CDK19: variants seen among roughly 807,000 people sequenced by gnomAD.
CDK19 encodes the protein cyclin-dependent kinase 19.
CDK19 carries 20 observed loss-of-function variants against 68.3 expected under a neutral mutation model. That is an observed-to-expected ratio of 0.29 (90% confidence interval 0.21 to 0.43). CDK19 has a LOEUF of 0.43. Ranked by LOEUF, CDK19 falls within the 20% of genes least tolerant of loss-of-function variation. CDK19 has a pLI of 1.00. For synonymous variants in CDK19, 221 were observed against 222.8 expected (o/e 0.99, Z 0.07); for missense variants, 339 against 623.5 (o/e 0.54, Z 4.86).
chr6:110,623,654 T>C (rs1379925262), intron 8 of CDK19, among the ~76,000 whole-genome samples: 1 of 151,598 alleles, frequency 6.6e-6, no homozygotes, highest in East Asian at 1.9e-4. Context: ...TCTAGGCACA[T>C]ACCTGAGTCA....
At chr6:110,622,200 A>G (rs1386746683) in intron 10 of CDK19, 34 bp from the exon 11 acceptor site, 1 of 1,372,368 alleles carries the variant, frequency 7.3e-7, no homozygotes, top group Non-Finnish European at 1.0e-6. Flanking sequence ...ACATATCATG[A>G]TCTAAAATCT....
chr6:110,778,469 C>G (rs1461878413), intron 1 of CDK19, among the ~76,000 whole-genome samples: 1 of 152,168 alleles, frequency 6.6e-6, no homozygotes, highest in Non-Finnish European at 1.5e-5. Context: ...ATCAAAATAA[C>G]CACTGGAGTC....
intron 1 of CDK19, among the ~76,000 whole-genome samples, chr6:110,750,661 C>T (rs76640832): frequency 4.3e-4 from 66 of 152,148 alleles, no homozygotes; most frequent in South Asian, 1.0e-3. Flanking sequence ...AAGGAGATGT[C>T]CTGAAGATAT....
At chr6:110,774,074 G>A (rs1364749224) in intron 1 of CDK19, 1 of 151,974 alleles carries the variant, frequency 6.6e-6, no homozygotes, top group Non-Finnish European at 1.5e-5. Context: ...TTGACAATGA[G>A]CATATCAACA....
chr6:110,770,092 TAGG>T (rs1779902062), intron 1 of CDK19, among the ~76,000 whole-genome samples: 1 of 152,142 alleles, frequency 6.6e-6, no homozygotes, highest in Non-Finnish European at 1.5e-5. Flanking sequence ...CTTCTCTGAA[TAGG>T]AGGAAGTGAA....
chr6:110,724,165 C>T (rs1324714426), intron 2 of CDK19, among the ~76,000 whole-genome samples: 1 of 151,962 alleles, frequency 6.6e-6, no homozygotes, highest in East Asian at 1.9e-4. Flanking sequence ...ACCAGCCTGA[C>T]CAACACAGAG....
intron 1 of CDK19, among the ~76,000 whole-genome samples, chr6:110,748,275 C>T (rs1236272811): frequency 6.6e-6 from 1 of 152,074 alleles, no homozygotes; most frequent in Non-Finnish European, 1.5e-5. Flanking sequence ...ATTAACACAT[C>T]AAATTAATGG....
chr6:110,777,392 A>G (rs2115017506), intron 1 of CDK19, among the ~76,000 whole-genome samples: 1 of 152,334 alleles, frequency 6.6e-6, no homozygotes, highest in South Asian at 2.1e-4. Flanking sequence ...AACATTTTGT[A>G]AACTTTAAAA....
chr6:110,801,817 T>A (rs1377719489), intron 1 of CDK19, among the ~76,000 whole-genome samples: 1 of 152,150 alleles, frequency 6.6e-6, no homozygotes, highest in African/African-American at 2.4e-5. Context: ...AACCTTAAAG[T>A]TATTTTAAAT....
chr6:110,796,810 C>A (rs1243212968), intron 1 of CDK19, among the ~76,000 whole-genome samples: 1 of 150,726 alleles, frequency 6.6e-6, no homozygotes, highest in Non-Finnish European at 1.5e-5. Flanking sequence ...AAGTTCGAGA[C>A]CAGCCTGGCC....
chr6:110,650,535 G>A (rs1780895755), intron 4 of CDK19, among the ~76,000 whole-genome samples: 1 of 152,202 alleles, frequency 6.6e-6, no homozygotes, highest in South Asian at 2.1e-4. Flanking sequence ...CATGGGGACA[G>A]GCATTGTTGG....
intron 1 of CDK19, among the ~76,000 whole-genome samples, chr6:110,776,205 G>T (rs893289456): frequency 6.6e-6 from 1 of 152,042 alleles, no homozygotes; most frequent in Non-Finnish European, 1.5e-5. Flanking sequence ...GAGGCAGGTG[G>T]ATCACCTGAG....
chr6:110,630,887 T>C (rs563115498), intron 6 of CDK19, among the ~76,000 whole-genome samples: 1 of 152,366 alleles, frequency 6.6e-6, no homozygotes, highest in South Asian at 2.1e-4. Context: ...TCTAAATGTG[T>C]TCTGGTGTCT....
intron 5 of CDK19, among the ~76,000 whole-genome samples, chr6:110,637,561 T>C (rs1057155404): frequency 6.6e-6 from 1 of 152,228 alleles, no homozygotes; most frequent in Non-Finnish European, 1.5e-5. Context: ...GTGGGTCAAG[T>C]GAGCACAATT....
In CDK19 at chr6:110,626,776, G is replaced by T; in HGVS notation, c.860C>A (p.Thr287Lys). ...PTLQKDFRRTTYANSSLIKYM... is the reference protein window; with the variant it reads ...PTLQKDFRRTKYANSSLIKYM... Reference sequence around the variant, plus strand: ...ACTAAGACTGTGTGGAATTACTTACGTTGTTCTTCTAAAGTCTTTTTGAAG... The same window carrying T: ...ACTAAGACTGTGTGGAATTACTTACTTTGTTCTTCTAAAGTCTTTTTGAAG... Residue 287 changes from threonine to lysine, a missense_variant and splice_region_variant, in exon 8 of 13, where the codon ACG becomes AAG. Coordinates refer to ENST00000368911, the MANE Select transcript of CDK19 (RefSeq NM_015076.5). The T allele has an allele frequency of 1.3e-6, 2 of 1,548,002 alleles. No individual in the cohort carries two copies. Among genetic ancestry groups the T allele is most frequent in the Non-Finnish European group, 1.8e-6 (2 of 1,130,110 alleles).
intron 4 of CDK19, among the ~76,000 whole-genome samples, chr6:110,652,083 AC>A (rs147909275): frequency 0.028 from 4,223 of 152,190 alleles, 84 homozygotes; most frequent in South Asian, 0.083. Context: ...CAAAAAAGAA[AC>A]AAACAAACAA....
chr6:110,644,291 CAA>C (rs1282326460), intron 4 of CDK19, among the ~76,000 whole-genome samples: 7 of 94,478 alleles, frequency 7.4e-5, no homozygotes, highest in South Asian at 3.2e-4. Context: ...GACTTCATCT[CAA>C]AAAAAAAAAA....
intron 1 of CDK19, among the ~76,000 whole-genome samples, chr6:110,753,150 G>A (rs991641148): frequency 5.3e-5 from 8 of 151,946 alleles, no homozygotes; most frequent in Non-Finnish European, 7.4e-5. Flanking sequence ...AGCTGGTCTC[G>A]AATTCCTGGG....
At chr6:110,633,814 A>T (rs1237138587) in intron 5 of CDK19, among the ~76,000 whole-genome samples, 1 of 152,210 alleles carries the variant, frequency 6.6e-6, no homozygotes, top group East Asian at 1.9e-4. Flanking sequence ...GAGATGAAGA[A>T]TCTAAGGCCC....
Sources: allele counts gnomAD v4.1 joint callset (sites outside exome capture counted in the v4.1 genomes callset), GRCh38; gene constraint gnomAD v4.1.1; transcripts MANE v1.5; gene names NCBI Gene and HGNC (gene_info 2026-07-23, HGNC 2026-07-21).